Variants in CDH2 observed in about 807,000 individuals in gnomAD.
CDH2 encodes the protein cadherin 2.
A neutral mutation model predicts 92.0 loss-of-function variants in CDH2; 17 were observed. The ratio of observed to expected loss-of-function variants is 0.18; its 90% CI spans 0.13 to 0.28. CDH2 has a LOEUF of 0.28. Ranked by LOEUF, CDH2 falls within the 10% of genes least tolerant of loss-of-function variation. The probability of loss-of-function intolerance (pLI) is 1.00; values close to 1 mark genes in which losing one functional copy is unlikely to be tolerated. For synonymous variants in CDH2, 419 were observed against 415.9 expected, an observed-to-expected ratio of 1.01 and a Z score of -0.09; for missense variants, 862 against 1,133.1, an observed-to-expected ratio of 0.76 and a Z score of 3.44.
chr18:28,036,080 T>C (rs2013818953), intron 2 of CDH2, among the ~76,000 whole-genome samples: 1 of 152,182 alleles, frequency 6.6e-6, no homozygotes, highest in Non-Finnish European at 1.5e-5. Context: ...TTGCCTGCAG[T>C]TTGCAGAAGA....
intron 1 of CDH2, among the ~76,000 whole-genome samples, chr18:28,169,965 G>T (rs1025019097): frequency 2.0e-5 from 3 of 152,156 alleles, no homozygotes; most frequent in Admixed American, 1.3e-4. Flanking sequence ...TCCACTATTA[G>T]AACAGATGAA....
At chr18:28,099,421 T>TA (rs1284276310) in intron 2 of CDH2, among the ~76,000 whole-genome samples, 6 of 152,172 alleles carry the variant, frequency 3.9e-5, no homozygotes, top group Non-Finnish European at 8.8e-5. Context: ...TTATAGCTGA[T>TA]ACAATTCATT....
At chr18:28,167,948 C>T (rs1415450710) in intron 1 of CDH2, among the ~76,000 whole-genome samples, 2 of 152,000 alleles carry the variant, frequency 1.3e-5, no homozygotes, top group Admixed American at 1.3e-4. Flanking sequence ...ACCCGAGAGC[C>T]ATAAAGAATG....
intron 14 of CDH2, among the ~76,000 whole-genome samples, chr18:27,977,763 A>G (rs1476835756): frequency 1.3e-5 from 2 of 152,250 alleles, no homozygotes; most frequent in Non-Finnish European, 2.9e-5. Context: ...ATTCAGAAAC[A>G]GCAAAAATTA....
rs529240153 is a variant in CDH2 at position 28,142,916 on chromosome 18, TA to T, written c.172+4756del. 4.2e-3 allele frequency among the ~76,000 whole-genome samples: 633 copies of T among 152,136 alleles called. 3 individuals are homozygous for T. Among genetic ancestry groups the T allele is most frequent in the African/African-American group, 0.014 (601 of 41,542 alleles). ...CATCATACAAAAGTACTCATATTATTAAAAAATAGAAGAGTTGTACAATTGT... is the reference window on the plus strand; with the variant it reads ...CATCATACAAAAGTACTCATATTATTAAAAATAGAAGAGTTGTACAATTGT... On this transcript the variant is annotated intron_variant, in intron 2 of 15. Coordinates refer to ENST00000269141, the MANE Select transcript of CDH2 (RefSeq NM_001792.5).
chr18:28,149,014 G>A (rs945940126), intron 1 of CDH2, among the ~76,000 whole-genome samples: 7 of 152,146 alleles, frequency 4.6e-5, no homozygotes, highest in African/African-American at 4.8e-5. Context: ...CAGGCCCATC[G>A]AATGAGTAAG....
chr18:28,119,207 C>T (rs1036175433), intron 2 of CDH2, among the ~76,000 whole-genome samples: 4 of 152,110 alleles, frequency 2.6e-5, no homozygotes, highest in African/African-American at 9.7e-5. Context: ...CCAGGTACAG[C>T]CACTACTGTC....
chr18:28,081,631 T>G (rs1484253230), intron 2 of CDH2, among the ~76,000 whole-genome samples: 1 of 152,236 alleles, frequency 6.6e-6, no homozygotes. Context: ...ACTTGTATTA[T>G]TCCACTTATG....
chr18:28,145,958 T>A (rs2016028587), intron 2 of CDH2, among the ~76,000 whole-genome samples: 1 of 152,108 alleles, frequency 6.6e-6, no homozygotes, highest in African/African-American at 2.4e-5. Context: ...ATATTTTCAA[T>A]CTTTCACCTT....
At chr18:28,086,626 A>G (rs537261394) in intron 2 of CDH2, among the ~76,000 whole-genome samples, 102 of 152,282 alleles carry the variant, frequency 6.7e-4, no homozygotes, top group Non-Finnish European at 1.1e-3. Flanking sequence ...GAATCTGGAC[A>G]ATTACAAATG....
chr18:28,139,744 A>G (rs765415806), intron 2 of CDH2, among the ~76,000 whole-genome samples: 1 of 151,710 alleles, frequency 6.6e-6, no homozygotes, highest in Non-Finnish European at 1.5e-5. Context: ...ACTTCCTAAC[A>G]CTACAGTTCT....
At chr18:28,160,731 G>A (rs532745350) in intron 1 of CDH2, among the ~76,000 whole-genome samples, 9 of 152,312 alleles carry the variant, frequency 5.9e-5, no homozygotes, top group Non-Finnish European at 1.2e-4. Flanking sequence ...ACACTGGGCT[G>A]TCAGATCCAA....
intron 2 of CDH2, among the ~76,000 whole-genome samples, chr18:28,081,409 A>C (rs941313628): frequency 6.6e-6 from 1 of 152,218 alleles, no homozygotes; most frequent in Non-Finnish European, 1.5e-5. Context: ...TTTTTAAAAA[A>C]ACAGACTGAT....
chr18:27,957,216 T>A (rs2011272529), intron 15 of CDH2, among the ~76,000 whole-genome samples: 1 of 151,696 alleles, frequency 6.6e-6, no homozygotes, highest in Non-Finnish European at 1.5e-5. Context: ...GACTTAGGAG[T>A]CATTCCTGTG....
chr18:28,049,835 T>C (rs1418988968), intron 2 of CDH2, among the ~76,000 whole-genome samples: 3 of 152,234 alleles, frequency 2.0e-5, no homozygotes, highest in Non-Finnish European at 4.4e-5. Flanking sequence ...GCATAGCAAA[T>C]AGTCACTACC....
Position 27,990,170 on chromosome 18 carries a change from C to A in CDH2, c.1525G>T (p.Gly509Trp), listed in dbSNP as rs750142878. ...GTCAACATGGTACCGGCATGAAGCCCTTCTTCTTGGCGAATGATCTTAGGA... is the reference window on the plus strand; with the variant it reads ...GTCAACATGGTACCGGCATGAAGCCATTCTTCTTGGCGAATGATCTTAGGA... ...PNPKIIRQEE[G>W]LHAGTMLTTF... Residue 509 changes from glycine to tryptophan, a missense_variant, in exon 10 of 16, where the codon GGG (glycine) becomes TGG (tryptophan). Transcript: ENST00000269141. 3.1e-6 allele frequency: 5 copies of A among 1,613,930 alleles called. No individual in the cohort carries two copies.
intron 1 of CDH2, among the ~76,000 whole-genome samples, chr18:28,175,333 G>A (rs1171128791): frequency 6.6e-6 from 1 of 152,230 alleles, no homozygotes. Context: ...GCGAGTGGGG[G>A]AAGGGAGAAA....
chr18:28,063,333 T>C (rs2014441328), intron 2 of CDH2, among the ~76,000 whole-genome samples: 1 of 151,754 alleles, frequency 6.6e-6, no homozygotes, highest in South Asian at 2.1e-4. Flanking sequence ...GGTAGAGGAG[T>C]CAACAACCAA....
At chr18:28,068,525 A>T (rs550553104) in intron 2 of CDH2, among the ~76,000 whole-genome samples, 1 of 152,292 alleles carries the variant, frequency 6.6e-6, no homozygotes, top group African/African-American at 2.4e-5. Flanking sequence ...ACATCAACAA[A>T]TTAAAAATAA....
Sources: allele counts gnomAD v4.1 joint callset (sites outside exome capture counted in the v4.1 genomes callset), GRCh38; gene constraint gnomAD v4.1.1; transcripts MANE v1.5; gene names NCBI Gene and HGNC (gene_info 2026-07-23, HGNC 2026-07-21).